ASTN1: variants seen among roughly 807,000 people sequenced by gnomAD.
The protein encoded by ASTN1 is astrotactin 1, also known as astrotactin-1.
A neutral mutation model predicts 140.7 loss-of-function variants in ASTN1; 41 were observed. The ratio of observed to expected loss-of-function variants is 0.29; its 90% CI spans 0.23 to 0.38. The LOEUF is 0.38. ASTN1 is among the 10% of genes least tolerant of loss of function. The pLI, the probability that ASTN1 is intolerant of heterozygous loss-of-function variation, is 1.00. For missense variants in ASTN1, 1,479 were observed against 1,678.8 expected (o/e 0.88, Z 2.08); for synonymous variants, 640 against 652.2 (o/e 0.98, Z 0.29).
intron 1 of ASTN1, among the ~76,000 whole-genome samples, chr1:177,145,862 C>G (rs1571848180): frequency 6.6e-6 from 1 of 152,294 alleles, no homozygotes; most frequent in Non-Finnish European, 1.5e-5. Context: ...AGGGTCAGTT[C>G]CCAGCTGAAG....
intron 17 of ASTN1, among the ~76,000 whole-genome samples, chr1:176,891,562 G>A (rs1669267545): frequency 6.6e-6 from 1 of 152,230 alleles, no homozygotes; most frequent in African/African-American, 2.4e-5. Context: ...CGGAGGTCGA[G>A]GCTGGCGGAT....
chr1:176,914,590 A>T (rs980651058), intron 16 of ASTN1, among the ~76,000 whole-genome samples: 1 of 152,216 alleles, frequency 6.6e-6, no homozygotes, highest in African/African-American at 2.4e-5. Context: ...GCCTGAAGCA[A>T]GTTAGGAAGC....
intron 2 of ASTN1, among the ~76,000 whole-genome samples, chr1:177,037,996 G>C (rs1676807434): frequency 6.6e-6 from 1 of 152,170 alleles, no homozygotes; most frequent in African/African-American, 2.4e-5. Context: ...ATAATTTGTA[G>C]ATTTTAGAAT....
intron 8 of ASTN1, among the ~76,000 whole-genome samples, chr1:176,982,413 G>A (rs563874119): frequency 1.4e-4 from 21 of 152,282 alleles, no homozygotes; most frequent in East Asian, 5.8e-4. Context: ...CGCAAACCTC[G>A]GCGTGCATCA....
intron 2 of ASTN1, among the ~76,000 whole-genome samples, chr1:177,034,017 A>G (rs144971131): frequency 1.3e-5 from 2 of 152,112 alleles, no homozygotes; most frequent in Non-Finnish European, 2.9e-5. Flanking sequence ...TTCTTCTCTC[A>G]ACCTTAGGCT....
At chr1:177,017,707 CT>C (rs1226001352) in intron 7 of ASTN1, among the ~76,000 whole-genome samples, 1 of 152,164 alleles carries the variant, frequency 6.6e-6, no homozygotes, top group African/African-American at 2.4e-5. Flanking sequence ...AGAGTGTGCC[CT>C]GCAGGAGCAC....
intron 1 of ASTN1, among the ~76,000 whole-genome samples, chr1:177,135,553 C>T (rs1314302391): frequency 1.3e-5 from 2 of 152,188 alleles, no homozygotes; most frequent in African/African-American, 4.8e-5. Context: ...AAAGCCAAGG[C>T]CCAGCAACAG....
intron 1 of ASTN1, among the ~76,000 whole-genome samples, chr1:177,074,562 C>T (rs997511204): frequency 5.9e-5 from 9 of 152,170 alleles, no homozygotes; most frequent in African/African-American, 2.2e-4. Flanking sequence ...TACACTCATG[C>T]TAGGTTCCAT....
chr1:177,136,994 C>T (rs1682234587), intron 1 of ASTN1, among the ~76,000 whole-genome samples: 1 of 152,160 alleles, frequency 6.6e-6, no homozygotes, highest in South Asian at 2.1e-4. Context: ...GAATCTTTGG[C>T]CTCTACCCAC....
In ASTN1 at chr1:177,029,354, G is replaced by T. The variant is rs373579999; in HGVS notation, c.1120+280C>A. 254 of 638,794 alleles carry T rather than the reference G, an allele frequency of 4.0e-4. 1 individual carries two copies. The highest frequency in any genetic ancestry group is 4.1e-4 in the Non-Finnish European group (133 of 327,254). The allele number at this position is 638,794 out of a possible 1,614,324, so 39.6% of individuals were successfully genotyped here. A position where few individuals can be genotyped will look rare whatever the true frequency, so the allele number is the denominator to read the frequency against. On this transcript the variant is annotated intron_variant, in intron 5 of 22. Coordinates refer to ENST00000361833, the MANE Select transcript of ASTN1 (RefSeq NM_004319.3). ...CAAAATATGACTCCTGAGTCTTCCA[G>T]AAGAAATTGAGAGTCATCTGACCAA...
chr1:177,079,572 T>C (rs756909669), intron 1 of ASTN1, among the ~76,000 whole-genome samples: 3 of 152,138 alleles, frequency 2.0e-5, no homozygotes, highest in Non-Finnish European at 4.4e-5. Context: ...TTGTTCTCTG[T>C]TATGTGGGCC....
At position 176,876,552 on chromosome 1, in the gene ASTN1, C is replaced by A. The variant is rs1362273008; in HGVS notation, c.3448G>T (p.Asp1150Tyr). The A allele has an allele frequency of 1.9e-6, 3 of 1,614,180 alleles. No homozygotes were observed. In the Admixed American group the frequency reaches 5.0e-5, roughly 27 times the overall value. ...IVKTPCPVVDDVKAQEIADKI... is the reference protein window; with the variant it reads ...IVKTPCPVVDYVKAQEIADKI... ...TGTCTCTTACCTTGAGCCTTGACAT[C>A]ATCCACCACGGGGCATGGGGTCTTC... Residue 1150 changes from aspartate (D) to tyrosine (Y), a missense_variant, in exon 21 of 23, where the codon GAT becomes TAT. Asp to Tyr is a radical substitution (Grantham distance 160). Coordinates refer to ENST00000361833, the MANE Select transcript of ASTN1 (RefSeq NM_004319.3).
intron 20 of ASTN1, among the ~76,000 whole-genome samples, chr1:176,881,136 T>C (rs1157811079): frequency 6.6e-6 from 1 of 152,200 alleles, no homozygotes; most frequent in South Asian, 2.1e-4. Flanking sequence ...GGAATGTCAC[T>C]CCTGGCCTCC....
chr1:176,992,170 G>A (rs80326432), intron 8 of ASTN1, among the ~76,000 whole-genome samples: 1 of 152,122 alleles, frequency 6.6e-6, no homozygotes, highest in Non-Finnish European at 1.5e-5. Flanking sequence ...CCTCAATGCA[G>A]AGTTGGGAAC....
chr1:176,912,894 T>C (rs190149867), intron 16 of ASTN1, among the ~76,000 whole-genome samples: 47 of 152,358 alleles, frequency 3.1e-4, no homozygotes, highest in Admixed American at 1.3e-3. Flanking sequence ...AAAGATATAA[T>C]GTTAATAAGC....
chr1:176,940,612 T>C (rs1282841193), intron 14 of ASTN1, among the ~76,000 whole-genome samples: 3 of 152,216 alleles, frequency 2.0e-5, no homozygotes, highest in African/African-American at 4.8e-5. Flanking sequence ...TCTGCCAAAA[T>C]ACAAGTGATG....
Position 176,894,602 on chromosome 1 carries a change from G to T in ASTN1, c.2900C>A (p.Ala967Asp), listed in dbSNP as rs746561834. Reference sequence around the variant, plus strand: ...GTTGGTCACTAGTTCATAGATGGGGGCTGCTTTGGTCACCTCCAGCAGAAC... The same window carrying T: ...GTTGGTCACTAGTTCATAGATGGGGTCTGCTTTGGTCACCTCCAGCAGAAC... ...EPVLLEVTKA[A>D]PIYELVTNNQ... Residue 967 changes from alanine to aspartate, a missense_variant, in exon 17 of 23, where the codon GCC becomes GAC. Physicochemically the swap from Ala to Asp is moderately radical, Grantham distance 126. This residue lies in a region of ASTN1 where 746 missense variants were observed against 800.9 expected (regional missense o/e 0.93). Coordinates refer to ENST00000361833, the MANE Select transcript of ASTN1 (RefSeq NM_004319.3). 21 of 1,614,074 alleles carry T rather than the reference G, an allele frequency of 1.3e-5. No individual in the cohort carries two copies. The highest frequency in any genetic ancestry group is 1.8e-5 in the Non-Finnish European group (21 of 1,180,032).
intron 1 of ASTN1, among the ~76,000 whole-genome samples, chr1:177,123,292 C>CA (rs1012559804): frequency 3.9e-5 from 6 of 152,058 alleles, no homozygotes; most frequent in Admixed American, 3.3e-4. Flanking sequence ...CAAATTTGCA[C>CA]AAAAAATGTT....
At chr1:177,070,769 C>A (rs1678597128) in intron 1 of ASTN1, among the ~76,000 whole-genome samples, 1 of 152,250 alleles carries the variant, frequency 6.6e-6, no homozygotes, top group Non-Finnish European at 1.5e-5. Flanking sequence ...GTGGGAGTGG[C>A]AATTGAGTGG....
Sources: allele counts gnomAD v4.1 joint callset (sites outside exome capture counted in the v4.1 genomes callset), GRCh38; gene constraint gnomAD v4.1.1; regional missense constraint gnomAD v4.1.1; transcripts MANE v1.5; gene names NCBI Gene and HGNC (gene_info 2026-07-23, HGNC 2026-07-21).